The following PES1 variants were observed in gnomAD, a reference collection of about 807,000 sequenced individuals.
PES1 encodes pescadillo ribosomal biogenesis factor 1, also known as pescadillo homolog.
Under a neutral mutation model 77.1 loss-of-function variants are expected in PES1, and 31 were observed. That is an observed-to-expected ratio of 0.40 (90% CI 0.30 to 0.54). The LOEUF (loss-of-function observed/expected upper bound fraction) is 0.54. Ranked by LOEUF, PES1 falls within the 20% of genes least tolerant of loss-of-function variation. The pLI is 0.45. For synonymous variants in PES1, 282 were observed against 303.0 expected (o/e 0.93, Z 0.72); for missense variants, 658 against 771.7 (o/e 0.85, Z 1.75).
At chr22:30,588,808 C>T (rs945230628) in intron 2 of PES1, among the ~76,000 whole-genome samples, 1 of 150,770 alleles carries the variant, frequency 6.6e-6, no homozygotes, top group Non-Finnish European at 1.5e-5. Flanking sequence ...AAAAAGTGGG[C>T]CAGGTGAGCC....
At chr22:30,595,202 G>A (rs2087236706), upstream of PES1, among the ~76,000 whole-genome samples, 1 of 151,906 alleles carries the variant, frequency 6.6e-6, no homozygotes, top group Non-Finnish European at 1.5e-5. Context: ...AAAGGGTCTG[G>A]GTAAGTCCTA....
chr22:30,591,933 C>A (rs112153495), upstream of PES1: 13 of 1,464,862 alleles, frequency 8.9e-6, no homozygotes, highest in East Asian at 2.6e-5. Context: ...CCCCACCCCA[C>A]GCTGTCTGTT....
chr22:30,584,772 G>T (rs2087050420), intron 4 of PES1, 55 bp from the exon 5 acceptor site: 37 of 1,555,644 alleles, frequency 2.4e-5, no homozygotes, highest in Non-Finnish European at 3.2e-5. Flanking sequence ...TGCCAAGGGG[G>T]ACCCTGATCT....
rs372576824 is a variant in PES1 at position 30,576,847 on chromosome 22, C to G, written c.*199G>C. On this transcript the variant is annotated 3_prime_UTR_variant, in exon 15 of 15. Coordinates refer to ENST00000354694, the MANE Select transcript of PES1 (RefSeq NM_014303.4). ...TGGGCACAGAGGCCTCTTCTCTGAC[C>G]AGGCACCAGCAGGGCAGCTCCATCC... 1 of 594,464 alleles carries G rather than the reference C, an allele frequency of 1.7e-6. No homozygotes were observed. The highest frequency in any genetic ancestry group is 2.8e-5 in the East Asian group (1 of 35,434). The allele number at this position is 594,464 out of a possible 1,614,324, so 36.8% of individuals were successfully genotyped here.
chr22:30,578,783 T>G (rs528242944), intron 14 of PES1, 54 bp downstream of exon 14: 1 of 1,584,880 alleles, frequency 6.3e-7, no homozygotes, highest in Non-Finnish European at 8.6e-7. Flanking sequence ...AGTTCACCTG[T>G]GCAGTTGGGT....
chr22:30,587,969 G>C, intron 3 of PES1, 52 bp downstream of exon 3: 1 of 1,577,348 alleles, frequency 6.3e-7, no homozygotes. Flanking sequence ...GTTAGTTAGT[G>C]GGTCACAGAG....
Position 30,584,364 on chromosome 22 carries a change from C to A in PES1, c.630+1G>T. ...CGTCCCCTCCCGACAGGCACACTCACGTCATGGGAGAAGGCATAGGGAGTG... is the reference window on the plus strand; with the variant it reads ...CGTCCCCTCCCGACAGGCACACTCAAGTCATGGGAGAAGGCATAGGGAGTG... On this transcript the variant is annotated splice_donor_variant, in intron 6 of 14. Transcript: ENST00000354694. LOFTEE classifies it high-confidence loss of function. 6.2e-7 allele frequency: 1 copy of A among 1,606,846 alleles called. No individual in the cohort carries two copies. The highest frequency in any genetic ancestry group is 8.5e-7 in the Non-Finnish European group (1 of 1,175,896).
chr22:30,594,402 C>A (rs926439528), upstream of PES1, among the ~76,000 whole-genome samples: 2 of 152,010 alleles, frequency 1.3e-5, no homozygotes, highest in African/African-American at 4.8e-5. Flanking sequence ...CACCTGTAAT[C>A]CCAGCTACCA....
intron 4 of PES1, chr22:30,586,959 G>T (rs548926180): frequency 1.4e-5 from 4 of 295,286 alleles, no homozygotes; most frequent in Non-Finnish European, 1.9e-5. Flanking sequence ...TGCTTCCCAC[G>T]TCTCACCAGG....
chr22:30,591,082 A>T (rs1300547911), intron 1 of PES1, among the ~76,000 whole-genome samples: 1 of 152,028 alleles, frequency 6.6e-6, no homozygotes, highest in African/African-American at 2.4e-5. Flanking sequence ...CAGCCACAAG[A>T]ACTCCCTGAA....
In PES1 at chr22:30,579,006, C is replaced by T; in HGVS notation, c.1522-8G>A. ...TGCCATCACCCTGGGCTTCTGGGGA[C>T]ACAAGGAGGGTGCTTATGGGGGCAG... On this transcript the variant is annotated splice_region_variant and splice_polypyrimidine_tract_variant and intron_variant, in intron 13 of 14. Coordinates refer to ENST00000354694, the MANE Select transcript of PES1 (RefSeq NM_014303.4). 6.2e-7 allele frequency: 1 copy of T among 1,609,024 alleles called. No homozygotes were observed. Among genetic ancestry groups the T allele is most frequent in the Non-Finnish European group, 8.5e-7 (1 of 1,179,936 alleles).
chr22:30,583,301 C>T (rs1439873663), intron 6 of PES1, among the ~76,000 whole-genome samples: 2 of 152,226 alleles, frequency 1.3e-5, no homozygotes, highest in African/African-American at 4.8e-5. Context: ...CACCACCAGA[C>T]AGCCAGTCAG....
Position 30,581,542 on chromosome 22 carries a change from G to A in PES1, c.733C>T (p.His245Tyr). Residue 245 changes from histidine to tyrosine, a missense_variant, in exon 7 of 15, where the codon CAC becomes TAC. Coordinates refer to ENST00000354694, the MANE Select transcript of PES1 (RefSeq NM_014303.4). ...NFRLYQLLNL[H>Y]YPPKLEGQAQ... The stretch of plus-strand genomic sequence containing the variant: ...TGGGGTCCTACCTTCGGGGGATAGT[G>A]GAGGTTGAGCAACTGGTAAAGGCGG... 1 of 1,613,582 alleles carries A rather than the reference G, an allele frequency of 6.2e-7. No homozygotes were observed. Among genetic ancestry groups the A allele is most frequent in the Non-Finnish European group, 8.5e-7 (1 of 1,179,732 alleles).
chr22:30,586,599 G>A (rs573880679), intron 4 of PES1, among the ~76,000 whole-genome samples: 2 of 152,234 alleles, frequency 1.3e-5, no homozygotes, highest in South Asian at 4.2e-4. Context: ...CATCCAAGTC[G>A]TGAGAACCAA....
chr22:30,598,792 T>C (rs1174528600), intron 2 of PES1, among the ~76,000 whole-genome samples: 1 of 151,768 alleles, frequency 6.6e-6, no homozygotes, highest in African/African-American at 2.4e-5. Flanking sequence ...TGTTGTATAT[T>C]GTGTCTACAT....
intron 1 of PES1, among the ~76,000 whole-genome samples, chr22:30,590,248 C>G (rs1197987098): frequency 6.6e-6 from 1 of 152,228 alleles, no homozygotes; most frequent in East Asian, 1.9e-4. Flanking sequence ...GTATCCCTCA[C>G]ACTTCTGTAT....
In PES1 at chr22:30,576,960, G is replaced by T; in HGVS notation, c.*86C>A. 9.3e-7 allele frequency: 1 copy of T among 1,079,728 alleles called. No individual in the cohort carries two copies. Among genetic ancestry groups the T allele is most frequent in the Non-Finnish European group, 1.4e-6 (1 of 696,346 alleles). The allele number at this position is 1,079,728 out of a possible 1,614,324, so 66.9% of individuals were successfully genotyped here. On this transcript the variant is annotated 3_prime_UTR_variant, in exon 15 of 15. Transcript: ENST00000354694. The stretch of plus-strand genomic sequence containing the variant: ...GAAAGGAGGAGGAGAAGTGACTCTG[G>T]TCCATCACACTTAGGTCCTCTGGCC...
chr22:30,599,117 C>G (rs1211538663), intron 2 of PES1, among the ~76,000 whole-genome samples: 1 of 151,776 alleles, frequency 6.6e-6, no homozygotes, highest in African/African-American at 2.4e-5. Flanking sequence ...CCAGGCTGGG[C>G]TCAAACTCCT....
At chr22:30,582,780 A>G (rs2087006756) in intron 6 of PES1, among the ~76,000 whole-genome samples, 1 of 151,744 alleles carries the variant, frequency 6.6e-6, no homozygotes, top group South Asian at 2.1e-4. Flanking sequence ...TTCCATGAGA[A>G]TCTGTGAGGG....
Sources: gnomAD v4.1 joint callset for allele counts (sites outside exome capture counted in the v4.1 genomes callset) on GRCh38, gnomAD v4.1.1 for gene constraint, MANE v1.5 for transcripts, NCBI Gene and HGNC (gene_info 2026-07-23, HGNC 2026-07-21) for gene names.